Variants in LPGAT1 observed in about 807,000 individuals in gnomAD.
The protein encoded by LPGAT1 is lysophosphatidylglycerol acyltransferase 1, also known as acyl-CoA:lysophosphatidylglycerol acyltransferase 1.
In LPGAT1, 11 loss-of-function variants were observed where a neutral mutation model predicts 47.5. The ratio of observed to expected loss-of-function variants is 0.23; its 90% CI spans 0.15 to 0.38. The LOEUF (loss-of-function observed/expected upper bound fraction) is 0.38, where lower values mean the gene tolerates loss of function less well. Among genes scored for constraint, LPGAT1 ranks in the 10% least tolerant of loss-of-function variants. The pLI, the probability that LPGAT1 is intolerant of heterozygous loss-of-function variation, is 1.00. For synonymous variants in LPGAT1, 138 were observed against 144.2 expected (o/e 0.96, Z 0.31); for missense variants, 293 against 439.0 (o/e 0.67, Z 2.97).
At chr1:211,829,497 G>T in intron 1 of LPGAT1, 174 bp from the exon 2 acceptor site, 1 of 1,431,052 alleles carries the variant, frequency 7.0e-7, no homozygotes, top group Non-Finnish European at 9.1e-7. Context: ...GAGAGCGAGG[G>T]AGGAGGAGCC....
At chr1:211,750,292 G>A (rs1371629053) in intron 7 of LPGAT1, among the ~76,000 whole-genome samples, 2 of 152,046 alleles carry the variant, frequency 1.3e-5, no homozygotes, top group African/African-American at 4.8e-5. Flanking sequence ...TGAATAGCTG[G>A]CTCATGTGCA....
At position 211,793,146 on chromosome 1, in the gene LPGAT1, C is replaced by A; in HGVS notation, c.283G>T (p.Ala95Ser). 4 of 1,611,362 alleles carry A rather than the reference C, an allele frequency of 2.5e-6. No individual in the cohort carries two copies. The highest frequency in any genetic ancestry group is 1.3e-5 in the African/African-American group (1 of 74,734). Residue 95 changes from alanine (A) to serine (S), a missense_variant, in exon 3 of 8, where the codon GCA becomes TCA. Physicochemically the swap from Ala to Ser is moderately conservative, Grantham distance 99. Coordinates refer to ENST00000366997, the MANE Select transcript of LPGAT1 (RefSeq NM_014873.3). ...GCCTGATGATTCACCAACATCACTG[C>A]TTCATCTTTTGAAACTGCTTTAATA... is the stretch of plus-strand genomic sequence containing the variant. The part of the protein sequence containing the change: ...EDIKAVSKDE[A>S]VMLVNHQATG...
chr1:211,761,109 T>C (rs1030149611), intron 6 of LPGAT1, among the ~76,000 whole-genome samples: 1 of 152,204 alleles, frequency 6.6e-6, no homozygotes, highest in African/African-American at 2.4e-5. Context: ...CTAAAACTAT[T>C]CTATTTCTGC....
At position 211,747,451 on chromosome 1, in the gene LPGAT1, A is replaced by G. The variant is rs1183380337; in HGVS notation, c.*2448T>C. The G allele has an allele frequency of 1.3e-5, 2 of 152,218 alleles. No individual in the cohort carries two copies. Among genetic ancestry groups the G allele is most frequent in the Non-Finnish European group, 2.9e-5 (2 of 68,034 alleles). 9.4% of individuals were successfully genotyped at this position (152,218 alleles called of 1,614,324 possible). ...ACTTGAAAAGTAAAGCATCTTATAGAATAGTTTAATGTGTACAGTATATTT... is the reference window on the plus strand; with the variant it reads ...ACTTGAAAAGTAAAGCATCTTATAGGATAGTTTAATGTGTACAGTATATTT... On this transcript the variant is annotated 3_prime_UTR_variant, in exon 8 of 8. Coordinates refer to ENST00000366997, the MANE Select transcript of LPGAT1 (RefSeq NM_014873.3).
At chr1:211,825,655 C>T (rs61598472) in intron 2 of LPGAT1, among the ~76,000 whole-genome samples, 7,158 of 152,194 alleles carry the variant, frequency 0.047, 253 homozygotes, top group African/African-American at 0.091. Flanking sequence ...TACAGCACTT[C>T]CTACTAAAGA....
intron 3 of LPGAT1, among the ~76,000 whole-genome samples, chr1:211,789,763 A>T (rs1334156025): frequency 6.6e-6 from 1 of 151,542 alleles, no homozygotes; most frequent in Non-Finnish European, 1.5e-5. Context: ...CCAGCTACTC[A>T]GGAGAACTGA....
intron 2 of LPGAT1, among the ~76,000 whole-genome samples, chr1:211,814,489 G>A (rs534233726): frequency 6.6e-6 from 1 of 152,282 alleles, no homozygotes; most frequent in South Asian, 2.1e-4. Flanking sequence ...GGGGGCTCTG[G>A]ACCACTCAGC....
At chr1:211,766,790 A>G (rs1246685861) in intron 6 of LPGAT1, among the ~76,000 whole-genome samples, 1 of 152,226 alleles carries the variant, frequency 6.6e-6, no homozygotes, top group African/African-American at 2.4e-5. Flanking sequence ...AAATTGTGGT[A>G]TCTACTGAAC....
At chr1:211,825,222 G>T (rs1421977968) in intron 2 of LPGAT1, among the ~76,000 whole-genome samples, 1 of 118,398 alleles carries the variant, frequency 8.4e-6, no homozygotes, top group African/African-American at 3.3e-5. Flanking sequence ...TTTGAGACAG[G>T]TCTCTGTCGC....
chr1:211,785,682 C>T (rs1266803597), intron 4 of LPGAT1, among the ~76,000 whole-genome samples: 1 of 151,628 alleles, frequency 6.6e-6, no homozygotes, highest in East Asian at 1.9e-4. Flanking sequence ...TCTCGGCCCA[C>T]TGCAACCTCT....
rs1212373811 is a variant in LPGAT1, at chr1:211,748,541, C to T, written c.*1358G>A. ...CTCTACTAAAAATACAAAAATTAGCCAAGCATGATGGTGGGTGCCTGTAGT... is the reference window on the plus strand; with the variant it reads ...CTCTACTAAAAATACAAAAATTAGCTAAGCATGATGGTGGGTGCCTGTAGT... On this transcript the variant is annotated 3_prime_UTR_variant, in exon 8 of 8. Transcript: ENST00000366997. The T allele has an allele frequency of 6.6e-6, 1 of 152,116 alleles. No individual in the cohort carries two copies. The highest frequency in any genetic ancestry group is 1.5e-5 in the Non-Finnish European group (1 of 68,060). 9.4% of individuals were successfully genotyped at this position (152,116 alleles called of 1,614,324 possible). A position where few individuals can be genotyped will look rare whatever the true frequency, so the allele number is the denominator to read the frequency against.
chr1:211,759,543 G>A (rs1017523953), intron 6 of LPGAT1, among the ~76,000 whole-genome samples: 13 of 151,840 alleles, frequency 8.6e-5, no homozygotes, highest in African/African-American at 2.7e-4. Flanking sequence ...CATTTTTCCC[G>A]CTTTCTACTG....
At chr1:211,789,297 T>C (rs376900514) in intron 3 of LPGAT1, among the ~76,000 whole-genome samples, 1 of 152,230 alleles carries the variant, frequency 6.6e-6, no homozygotes, top group East Asian at 1.9e-4. Flanking sequence ...TGTAATTTAT[T>C]GACTTCTGGG....
chr1:211,764,003 C>T (rs912194032), intron 6 of LPGAT1, among the ~76,000 whole-genome samples: 1 of 152,128 alleles, frequency 6.6e-6, no homozygotes, highest in East Asian at 1.9e-4. Context: ...GAAACTCTGT[C>T]TCTACTAAAA....
chr1:211,815,773 CTTTTTTTTT>C (rs938719098), intron 2 of LPGAT1, among the ~76,000 whole-genome samples: 1 of 101,846 alleles, frequency 9.8e-6, no homozygotes, highest in Non-Finnish European at 2.0e-5. Context: ...AAATGCTTTT[CTTTTTTTTT>C]TTTTTTTTTT....
intron 3 of LPGAT1, among the ~76,000 whole-genome samples, chr1:211,790,259 C>T (rs916662645): frequency 3.3e-5 from 5 of 152,108 alleles, no homozygotes; most frequent in African/African-American, 9.7e-5. Flanking sequence ...GTACACAAAA[C>T]GTCTGGCAAT....
At chr1:211,772,214 C>T (rs548273537) in intron 6 of LPGAT1, among the ~76,000 whole-genome samples, 7 of 152,306 alleles carry the variant, frequency 4.6e-5, no homozygotes, top group East Asian at 1.9e-4. Context: ...TCCATTGATA[C>T]GAAAGGGCTA....
chr1:211,789,039 T>C (rs1047790185), intron 3 of LPGAT1, among the ~76,000 whole-genome samples: 3 of 152,186 alleles, frequency 2.0e-5, no homozygotes, highest in African/African-American at 7.2e-5. Flanking sequence ...CAATATTAAA[T>C]CTTTTTTTAA....
At chr1:211,788,279 T>C (rs1658967063) in intron 3 of LPGAT1, among the ~76,000 whole-genome samples, 1 of 152,218 alleles carries the variant, frequency 6.6e-6, no homozygotes, top group Non-Finnish European at 1.5e-5. Context: ...TTTGCCAGGA[T>C]AAAAATATTT....
Sources: allele counts gnomAD v4.1 joint callset (sites outside exome capture counted in the v4.1 genomes callset), GRCh38; gene constraint gnomAD v4.1.1; transcripts MANE v1.5; gene names NCBI Gene and HGNC (gene_info 2026-07-23, HGNC 2026-07-21).